The following DNASE1 variants were observed in gnomAD, a reference collection of about 807,000 sequenced individuals.
DNASE1 encodes the protein deoxyribonuclease-1.
Under a neutral mutation model 33.9 loss-of-function variants are expected in DNASE1, and 40 were observed. The ratio of observed to expected loss-of-function variants is 1.18; its 90% CI spans 0.92 to 1.54. The LOEUF is 1.54. Among genes scored for constraint, DNASE1 ranks in the 40% most tolerant of loss-of-function variants. The pLI is 0.00. For missense variants in DNASE1, 518 were observed against 372.6 expected (o/e 1.39, Z -3.21); for synonymous variants, 216 against 160.0 (o/e 1.35, Z -2.64).
chr16:3,621,869 G>C (rs775043805), intron 1 of DNASE1, among the ~76,000 whole-genome samples: 4 of 152,132 alleles, frequency 2.6e-5, no homozygotes, highest in Non-Finnish European at 4.4e-5. Context: ...TGGAATTGCT[G>C]GGTCAAAGGA....
downstream of DNASE1, chr16:3,658,866 C>T (rs1053534094): frequency 5.6e-6 from 9 of 1,614,046 alleles, no homozygotes; most frequent in Non-Finnish European, 6.8e-6. Context: ...GAGCGCGTGC[C>T]TGCAACACAG....
chr16:3,627,444 T>C (rs1171240096), intron 1 of DNASE1, among the ~76,000 whole-genome samples: 2 of 151,698 alleles, frequency 1.3e-5, no homozygotes, highest in Admixed American at 1.3e-4. Context: ...GGTAATTTTA[T>C]TTTTTATTTT....
intron 1 of DNASE1, among the ~76,000 whole-genome samples, chr16:3,627,763 C>G (rs763436659): frequency 6.6e-6 from 1 of 152,072 alleles, no homozygotes; most frequent in Non-Finnish European, 1.5e-5. Context: ...TTCCAATAGT[C>G]TGTATGTCTG....
At chr16:3,632,475 C>T (rs765455567) in intron 1 of DNASE1, among the ~76,000 whole-genome samples, 1 of 152,048 alleles carries the variant, frequency 6.6e-6, no homozygotes, top group Non-Finnish European at 1.5e-5. Context: ...TTTTTCTATC[C>T]CTGATAATTT....
At chr16:3,630,612 A>T (rs545396731) in intron 1 of DNASE1, among the ~76,000 whole-genome samples, 4 of 151,850 alleles carry the variant, frequency 2.6e-5, no homozygotes, top group South Asian at 4.2e-4. Flanking sequence ...TCTTTTTTTT[A>T]AATTTAAAGT....
rs772582615 is a variant in DNASE1, at chr16:3,663,392, AG to A, written c.*5440del. On this transcript the variant is annotated 3_prime_UTR_variant, in exon 10 of 10. Coordinates refer to the DNASE1 transcript ENST00000407479. ...GAGAGGCGTGCGGGGAGTGGAAACC[AG>A]CCCCACGCCTAGAGAGCAGGGGATG... 61 of 1,612,824 alleles carry A rather than the reference AG, an allele frequency of 3.8e-5. 3 individuals carry two copies. In the South Asian group the frequency reaches 6.0e-4, roughly 16 times the overall value.
downstream of DNASE1, chr16:3,662,329 G>A (rs945297911): frequency 4.4e-6 from 3 of 679,390 alleles, no homozygotes; most frequent in African/African-American, 3.6e-5. Flanking sequence ...CAAAGATACT[G>A]TGCCCGAGGG....
At position 3,617,687 on chromosome 16, in the gene DNASE1, G is replaced by A. The variant is rs531437101; in HGVS notation, c.-1359+5681G>A. 2.3e-3 allele frequency among the ~76,000 whole-genome samples: 344 copies of A among 152,172 alleles called. 2 individuals are homozygous for A. The highest frequency in any genetic ancestry group is 7.8e-3 in the African/African-American group (324 of 41,496). ...GTGGCCATGTGTGGTGGCTCATGCC[G>A]GTAATCCCAGCACTTTGGAAGGCGG... On this transcript the variant is annotated intron_variant and NMD_transcript_variant, in intron 1 of 11. Coordinates refer to the DNASE1 transcript ENST00000570769.
In DNASE1 at chr16:3,657,577, G is replaced by A. The variant is rs2042763614; in HGVS notation, c.705-143G>A. 3.2e-6 allele frequency: 4 copies of A among 1,258,400 alleles called. No individual in the cohort carries two copies. The East Asian group carries it at 7.6e-5, about 24-fold the overall frequency. The allele number at this position is 1,258,400 out of a possible 1,614,324, so 78.0% of individuals were successfully genotyped here. A position where few individuals can be genotyped will look rare whatever the true frequency, so the allele number is the denominator to read the frequency against. On this transcript the variant is annotated intron_variant, in intron 7 of 8. Transcript: ENST00000246949. ...GGCTGTCATGTGGTTTCCACATTGA[G>A]GGGCACAGACCAGGGTGTGCAGTTT...
intron 1 of DNASE1, among the ~76,000 whole-genome samples, chr16:3,633,313 T>A (rs568823243): frequency 2.0e-5 from 3 of 152,288 alleles, no homozygotes; most frequent in African/African-American, 4.8e-5. Context: ...TTATATACTT[T>A]TAAAAAGTCT....
At chr16:3,644,254 GTC>G (rs2042104283) in intron 1 of DNASE1, among the ~76,000 whole-genome samples, 1 of 151,974 alleles carries the variant, frequency 6.6e-6, no homozygotes, top group South Asian at 2.1e-4. Context: ...GCAAGACCTT[GTC>G]TCTACTAAAA....
chr16:3,640,225 A>G (rs950052778), upstream of DNASE1, among the ~76,000 whole-genome samples: 1 of 152,126 alleles, frequency 6.6e-6, no homozygotes, highest in African/African-American at 2.4e-5. Context: ...GCCTTCTCAT[A>G]TAGTTTTTCT....
intron 1 of DNASE1, among the ~76,000 whole-genome samples, chr16:3,613,297 C>CA (rs746468199): frequency 1.3e-5 from 2 of 152,204 alleles, no homozygotes; most frequent in Non-Finnish European, 2.9e-5. Flanking sequence ...GTAGATGAAT[C>CA]AGTACTGCAT....
At chr16:3,662,598 C>T (rs1425496931), downstream of DNASE1, 1 of 633,962 alleles carries the variant, frequency 1.6e-6, no homozygotes, top group East Asian at 3.2e-5. Flanking sequence ...TTTGGAACCC[C>T]CACGTCCTCA....
chr16:3,658,799 C>G (rs1192560204), downstream of DNASE1: 1 of 1,613,708 alleles, frequency 6.2e-7, no homozygotes, highest in East Asian at 2.2e-5. Context: ...TCACCTGATC[C>G]ACCAGCAGCT....
At chr16:3,654,313 C>T, upstream of DNASE1, 1 of 398,586 alleles carries the variant, frequency 2.5e-6, no homozygotes, top group Non-Finnish European at 4.4e-6. Flanking sequence ...GTCCTGGCCC[C>T]ACGGCGCTGG....
rs1444882250 is a variant in DNASE1 at position 3,654,942 on chromosome 16, C to CT, written c.-96dup. 2.4e-5 allele frequency: 11 copies of CT among 461,670 alleles called. No homozygotes were observed. The highest frequency in any genetic ancestry group is 6.5e-5 in the East Asian group (2 of 30,854). The allele number at this position is 461,670 out of a possible 1,614,324, so 28.6% of individuals were successfully genotyped here. ...TTCAGAGACCTTTCTTCATAGACTA[C>CT]TTTTTTTTCTTTAAGCAGCAAAAGG... On this transcript the variant is annotated 5_prime_UTR_variant, in exon 1 of 9. Transcript: ENST00000246949.
At chr16:3,621,374 C>G (rs915783015) in intron 1 of DNASE1, among the ~76,000 whole-genome samples, 5 of 152,176 alleles carry the variant, frequency 3.3e-5, no homozygotes, top group Non-Finnish European at 7.3e-5. Flanking sequence ...AGCCATTGCT[C>G]TTGCCTGGTT....
chr16:3,656,144 G>A lies in DNASE1; in HGVS notation c.279G>A (p.Leu93=). The A allele has an allele frequency of 6.2e-7, 1 of 1,614,142 alleles. No homozygotes were observed. The highest frequency in any genetic ancestry group is 8.5e-7 in the Non-Finnish European group (1 of 1,180,026). The change falls in exon 4 of 9, where the codon CTG becomes CTA. Residue 93 remains leucine, a synonymous_variant. Transcript: ENST00000246949. ...DTYHYVVSEP[L]GRNSYKERYL... Reference sequence around the variant, plus strand: ...ATCACTACGTGGTCAGTGAGCCACTGGGACGGAACAGCTATAAGGAGCGCT... The same window carrying A: ...ATCACTACGTGGTCAGTGAGCCACTAGGACGGAACAGCTATAAGGAGCGCT...
Sources: gnomAD v4.1 joint callset for allele counts (sites outside exome capture counted in the v4.1 genomes callset) on GRCh38, gnomAD v4.1.1 for gene constraint, MANE v1.5 for transcripts, NCBI Gene and HGNC (gene_info 2026-07-23, HGNC 2026-07-21) for gene names.